Variants in SCFD2 observed in about 807,000 individuals in gnomAD.
The protein encoded by SCFD2 is sec1 family domain containing 2.
Under a neutral mutation model 58.9 loss-of-function variants are expected in SCFD2, and 54 were observed. That is an observed-to-expected ratio of 0.92 (90% CI 0.74 to 1.15). The LOEUF (loss-of-function observed/expected upper bound fraction) is 1.15. Among genes scored for constraint, SCFD2 ranks in the 50% most tolerant of loss-of-function variants. The pLI is 0.00. For synonymous variants in SCFD2, 321 were observed against 335.9 expected, an observed-to-expected ratio of 0.96 and a Z score of 0.49; for missense variants, 805 against 836.6, an observed-to-expected ratio of 0.96 and a Z score of 0.47.
At chr4:52,972,564 A>C (rs1258925937) in intron 5 of SCFD2, among the ~76,000 whole-genome samples, 21 of 152,300 alleles carry the variant, frequency 1.4e-4, no homozygotes, top group Admixed American at 1.4e-3. Flanking sequence ...ACACAATAAT[A>C]GTGGGAGACT....
At chr4:53,322,888 G>A (rs1423080850) in intron 2 of SCFD2, among the ~76,000 whole-genome samples, 9 of 152,142 alleles carry the variant, frequency 5.9e-5, no homozygotes, top group Admixed American at 4.6e-4. Flanking sequence ...GGAAAGTTAA[G>A]GATTAATTCA....
At chr4:53,295,532 T>G (rs879678750) in intron 3 of SCFD2, among the ~76,000 whole-genome samples, 1 of 152,188 alleles carries the variant, frequency 6.6e-6, no homozygotes. Flanking sequence ...TTAAGAAGAT[T>G]TTGGGCTGAG....
At chr4:53,331,336 A>G (rs1021951014) in intron 2 of SCFD2, among the ~76,000 whole-genome samples, 10 of 152,016 alleles carry the variant, frequency 6.6e-5, no homozygotes, top group Admixed American at 5.9e-4. Flanking sequence ...AATTGACCAC[A>G]TACTTGGAAG....
At chr4:52,878,177 T>C (rs1033320383) in intron 8 of SCFD2, among the ~76,000 whole-genome samples, 6 of 152,218 alleles carry the variant, frequency 3.9e-5, no homozygotes, top group Non-Finnish European at 5.9e-5. Context: ...CTGAGTCTTT[T>C]CATTGTTTCT....
Position 52,909,796 on chromosome 4 carries a change from A to C in SCFD2, c.1708-2205T>G, listed in dbSNP as rs1270797526. Among the ~76,000 whole-genome samples, 3 of 152,244 alleles carry C rather than the reference A, an allele frequency of 2.0e-5. No individual in the cohort carries two copies. The East Asian group carries it at 5.8e-4, about 29-fold the overall frequency. On this transcript the variant is annotated intron_variant, in intron 6 of 8. Transcript: ENST00000401642. Reference sequence around the variant, plus strand: ...GGAGACATTTATTTTATTTTTCCAGATTTTCCAAAATTAAGAGGTCTACTT... The same window carrying C: ...GGAGACATTTATTTTATTTTTCCAGCTTTTCCAAAATTAAGAGGTCTACTT...
chr4:53,353,011 C>T (rs951069229), intron 1 of SCFD2, among the ~76,000 whole-genome samples: 4 of 152,144 alleles, frequency 2.6e-5, no homozygotes, highest in African/African-American at 9.7e-5. Flanking sequence ...AGTACTGTAT[C>T]CCTAGCACCT....
chr4:53,273,964 C>T lies in SCFD2; in HGVS notation c.1173G>A (p.Gln391=), dbSNP rs1731255169. 1 of 1,613,410 alleles carries T rather than the reference C, an allele frequency of 6.2e-7. No individual in the cohort carries two copies. The highest frequency in any genetic ancestry group is 1.3e-5 in the African/African-American group (1 of 74,896). Reference sequence around the variant, plus strand: ...GAGCTTTGAGGTTGTTCTTGAAGAGCTGAATATAGGACATGAGCTGTCCCG... The same window carrying T: ...GAGCTTTGAGGTTGTTCTTGAAGAGTTGAATATAGGACATGAGCTGTCCCG... ...VTPGQLMSYI[Q]LFKNNLKALM... is the part of the protein sequence containing the mutation. The change falls in exon 4 of 9, where the codon CAG becomes CAA. Residue 391 remains glutamine (Q), a synonymous_variant. Coordinates refer to ENST00000401642, the MANE Select transcript of SCFD2 (RefSeq NM_152540.4).
intron 3 of SCFD2, among the ~76,000 whole-genome samples, chr4:53,303,993 T>C (rs941470573): frequency 1.3e-4 from 19 of 150,044 alleles, no homozygotes; most frequent in African/African-American, 3.7e-4. Context: ...AGGAGATATA[T>C]CTAATGCTAA....
intron 2 of SCFD2, among the ~76,000 whole-genome samples, chr4:53,335,653 A>T (rs1008191957): frequency 1.3e-5 from 2 of 152,206 alleles, no homozygotes; most frequent in African/African-American, 2.4e-5. Flanking sequence ...CAAATGTTTC[A>T]GGTGAGGGGA....
intron 2 of SCFD2, among the ~76,000 whole-genome samples, chr4:53,331,600 T>G (rs1733472640): frequency 6.6e-6 from 1 of 151,868 alleles, no homozygotes. Flanking sequence ...CAAAGCAGTG[T>G]GTAGAGGGAA....
chr4:52,983,904 C>T (rs1560501613), intron 5 of SCFD2, among the ~76,000 whole-genome samples: 1 of 152,228 alleles, frequency 6.6e-6, no homozygotes, highest in Non-Finnish European at 1.5e-5. Flanking sequence ...AAGATAGATG[C>T]TCCATCAATC....
At chr4:53,238,448 G>T (rs1182325752) in intron 4 of SCFD2, among the ~76,000 whole-genome samples, 6 of 150,636 alleles carry the variant, frequency 4.0e-5, no homozygotes, top group African/African-American at 1.5e-4. Context: ...GCCGGGCAGG[G>T]GGCTGACCCC....
chr4:52,964,702 A>C (rs535461077), intron 5 of SCFD2, among the ~76,000 whole-genome samples: 2 of 152,202 alleles, frequency 1.3e-5, no homozygotes, highest in Admixed American at 1.3e-4. Flanking sequence ...ACACACACAC[A>C]CACACACACA....
intron 5 of SCFD2, among the ~76,000 whole-genome samples, chr4:52,954,094 C>T (rs1720658933): frequency 6.6e-6 from 1 of 152,226 alleles, no homozygotes; most frequent in South Asian, 2.1e-4. Context: ...ACAGGCAGCA[C>T]AGGGAGCAGT....
chr4:53,114,262 G>C lies in SCFD2; in HGVS notation c.1561+31071C>G, dbSNP rs59996188. Among the ~76,000 whole-genome samples, 266 of 152,196 alleles carry C rather than the reference G, an allele frequency of 1.7e-3. 5 individuals are homozygous for C. The South Asian group carries it at 0.033, about 19-fold the overall frequency. ...CAAATATGCACACATACTACACATA[G>C]TATTAACATAAAAGGGGCTTTAGCA... On this transcript the variant is annotated intron_variant, in intron 5 of 8. Coordinates refer to ENST00000401642, the MANE Select transcript of SCFD2 (RefSeq NM_152540.4).
chr4:53,121,675 T>A (rs1280152752), intron 5 of SCFD2, among the ~76,000 whole-genome samples: 2 of 152,182 alleles, frequency 1.3e-5, no homozygotes, highest in Non-Finnish European at 2.9e-5. Context: ...GTAACAGACC[T>A]GGTCGCAATC....
intron 4 of SCFD2, among the ~76,000 whole-genome samples, chr4:53,249,349 C>T (rs946206236): frequency 1.8e-4 from 27 of 152,236 alleles, no homozygotes; most frequent in South Asian, 8.3e-4. Flanking sequence ...CTGAAAGTGA[C>T]AGGGAGAATG....
chr4:53,341,188 C>T (rs1733859492), intron 2 of SCFD2, among the ~76,000 whole-genome samples: 2 of 152,116 alleles, frequency 1.3e-5, no homozygotes, highest in African/African-American at 4.8e-5. Flanking sequence ...GAAACCATCA[C>T]AAAGAAGCTA....
intron 5 of SCFD2, among the ~76,000 whole-genome samples, chr4:53,072,809 A>T (rs370078411): frequency 6.6e-6 from 1 of 151,820 alleles, no homozygotes; most frequent in Non-Finnish European, 1.5e-5. Context: ...TCTTTCTTTC[A>T]CCTAGTAAAC....
Sources: allele counts gnomAD v4.1 joint callset (sites outside exome capture counted in the v4.1 genomes callset), GRCh38; gene constraint gnomAD v4.1.1; transcripts MANE v1.5; gene names NCBI Gene and HGNC (gene_info 2026-07-23, HGNC 2026-07-21).